IRS1: variants seen among roughly 807,000 people sequenced by gnomAD.
IRS1 encodes insulin receptor substrate 1.
A neutral mutation model predicts 65.6 loss-of-function variants in IRS1; 34 were observed. The observed-to-expected ratio is 0.52, with a 90% CI of 0.39 to 0.69. The LOEUF is 0.69. Among genes scored for constraint, IRS1 ranks in the 30% least tolerant of loss-of-function variants. IRS1 has a pLI of 0.00. For missense variants in IRS1, 1,641 were observed against 1,720.2 expected, an observed-to-expected ratio of 0.95 and a Z score of 0.81; for synonymous variants, 699 against 683.5, an observed-to-expected ratio of 1.02 and a Z score of -0.35.
At chr2:226,784,347 T>C (rs562252129) in intron 1 of IRS1, among the ~76,000 whole-genome samples, 8 of 152,336 alleles carry the variant, frequency 5.3e-5, no homozygotes, top group East Asian at 3.9e-4. Context: ...TATACTCTTA[T>C]TGGTAAGTCA....
chr2:226,734,011 G>A lies in IRS1; in HGVS notation c.*2261C>T, dbSNP rs1245846016. On this transcript the variant is annotated 3_prime_UTR_variant, in exon 2 of 2. Transcript: ENST00000305123. Reference sequence around the variant, plus strand: ...GGTATCTCGGTAACACATATTCAAAGTGTAGGTTCCTTGAGAAATAATAAC... The same window carrying A: ...GGTATCTCGGTAACACATATTCAAAATGTAGGTTCCTTGAGAAATAATAAC... 6.6e-6 allele frequency: 1 copy of A among 152,156 alleles called. No individual in the cohort carries two copies. Among genetic ancestry groups the A allele is most frequent in the Admixed American group, 6.5e-5 (1 of 15,276 alleles). 9.4% of individuals were successfully genotyped at this position (152,156 alleles called of 1,614,324 possible).
chr2:226,745,320 CAA>C (rs1559147483), intron 1 of IRS1, among the ~76,000 whole-genome samples: 1 of 152,146 alleles, frequency 6.6e-6, no homozygotes, highest in African/African-American at 2.4e-5. Context: ...TTCTGAGTGA[CAA>C]GTGAGTAACC....
At chr2:226,788,919 T>G (rs550964593) in intron 1 of IRS1, among the ~76,000 whole-genome samples, 1 of 152,168 alleles carries the variant, frequency 6.6e-6, no homozygotes, top group East Asian at 1.9e-4. Context: ...TACATAATTA[T>G]AAATGTGGTA....
At chr2:226,743,165 A>C (rs1205173932) in intron 1 of IRS1, among the ~76,000 whole-genome samples, 1 of 151,954 alleles carries the variant, frequency 6.6e-6, no homozygotes, top group African/African-American at 2.4e-5. Context: ...CTTAGGAAAA[A>C]AAAACAAAAA....
rs557393837 is a variant in IRS1 at position 226,751,323 on chromosome 2, G to A, written c.*22-15073C>T. ...TTTTGAGACAGAGTCTCGCTTTGTC[G>A]CCCAGGCTGGAGTGCAGTGGCGCAA... On this transcript the variant is annotated intron_variant, in intron 1 of 1. Coordinates refer to ENST00000305123, the MANE Select transcript of IRS1 (RefSeq NM_005544.3). 4.6e-4 allele frequency among the ~76,000 whole-genome samples: 55 copies of A among 119,786 alleles called. No individual in the cohort carries two copies. The East Asian group carries it at 0.012, about 26-fold the overall frequency. The allele number at this position is 119,786 out of a possible 152,430, so 78.6% of individuals were successfully genotyped here. A position where few individuals can be genotyped will look rare whatever the true frequency, so the allele number is the denominator to read the frequency against.
At chr2:226,759,851 T>C (rs1938878981) in intron 1 of IRS1, among the ~76,000 whole-genome samples, 1 of 152,174 alleles carries the variant, frequency 6.6e-6, no homozygotes, top group Non-Finnish European at 1.5e-5. Flanking sequence ...TAGCACTCTG[T>C]TGGAACTTGT....
intron 1 of IRS1, among the ~76,000 whole-genome samples, chr2:226,742,142 G>A (rs1489696433): frequency 6.6e-6 from 1 of 152,178 alleles, no homozygotes; most frequent in Non-Finnish European, 1.5e-5. Context: ...TAAAGTCTGG[G>A]ACATGGGATA....
chr2:226,780,809 T>G (rs1025333), intron 1 of IRS1, among the ~76,000 whole-genome samples: 1 of 152,252 alleles, frequency 6.6e-6, no homozygotes, highest in East Asian at 1.9e-4. Context: ...CTGAATTTTT[T>G]AAATATTGGA....
At chr2:226,766,161 A>T (rs56801387) in intron 1 of IRS1, among the ~76,000 whole-genome samples, 2,244 of 5,382 alleles carry the variant, frequency 0.42, 496 homozygotes, top group Middle Eastern at 0.62. Context: ...ATATATATAT[A>T]TATTTTTTTT....
chr2:226,745,811 A>G (rs1051807026), intron 1 of IRS1, among the ~76,000 whole-genome samples: 1 of 152,244 alleles, frequency 6.6e-6, no homozygotes, highest in Non-Finnish European at 1.5e-5. Context: ...CTAGCAAGCA[A>G]GGATGAATCC....
At chr2:226,741,794 C>T (rs1358838922) in intron 1 of IRS1, among the ~76,000 whole-genome samples, 1 of 142,684 alleles carries the variant, frequency 7.0e-6, no homozygotes, top group Non-Finnish European at 1.5e-5. Context: ...TAAACACACA[C>T]ACACACACAC....
At position 226,795,309 on chromosome 2, in the gene IRS1, C is replaced by T. The variant is rs200821911; in HGVS notation, c.3430G>A (p.Ala1144Thr). Residue 1144 changes from alanine (A) to threonine (T), a missense_variant, in exon 1 of 2, where the codon GCT becomes ACT. Ala to Thr is a moderately conservative substitution (Grantham distance 58). This residue lies in a region of IRS1 where 1,324 missense variants were observed against 1,361.0 expected (regional missense o/e 0.97). Coordinates refer to ENST00000305123, the MANE Select transcript of IRS1 (RefSeq NM_005544.3). The stretch of plus-strand genomic sequence containing the variant: ...CTCAGCCACACATTCTCAAAGGAAG[C>T]AGAGCTGTGGCGTTTCACATCCTCG... ...SSEDVKRHSSASFENVWLRPG... is the reference protein window; with the variant it reads ...SSEDVKRHSSTSFENVWLRPG... 50 of 1,613,846 alleles carry T rather than the reference C, an allele frequency of 3.1e-5. No homozygotes were observed. Among genetic ancestry groups the T allele is most frequent in the Non-Finnish European group, 1.7e-5 (20 of 1,180,028 alleles).
At chr2:226,741,786 A>AACACACAC (rs145806509) in intron 1 of IRS1, among the ~76,000 whole-genome samples, 11,400 of 138,380 alleles carry the variant, frequency 0.082, 525 homozygotes, top group Middle Eastern at 0.14. Flanking sequence ...GAGCCCAGTA[A>AACACACAC]ACACACACAC....
chr2:226,773,217 T>A (rs1362741003), intron 1 of IRS1, among the ~76,000 whole-genome samples: 3 of 152,210 alleles, frequency 2.0e-5, no homozygotes, highest in African/African-American at 7.2e-5. Context: ...AAGGTTTGTT[T>A]CAGGTTAGTT....
chr2:226,770,089 A>T (rs1939135101), intron 1 of IRS1, among the ~76,000 whole-genome samples: 1 of 152,242 alleles, frequency 6.6e-6, no homozygotes, highest in African/African-American at 2.4e-5. Flanking sequence ...TGACTATGTC[A>T]TAGATACAGG....
chr2:226,763,506 C>T (rs1251431492), intron 1 of IRS1, among the ~76,000 whole-genome samples: 2 of 152,138 alleles, frequency 1.3e-5, no homozygotes, highest in Admixed American at 6.5e-5. Context: ...ACGAGCAATC[C>T]AGGGAGCTTG....
chr2:226,756,337 T>G (rs941079770), intron 1 of IRS1, among the ~76,000 whole-genome samples: 5 of 152,160 alleles, frequency 3.3e-5, no homozygotes, highest in African/African-American at 4.8e-5. Context: ...GAAACATCCC[T>G]AGTCAGTGAA....
intron 1 of IRS1, among the ~76,000 whole-genome samples, chr2:226,762,083 G>A (rs1175958520): frequency 6.6e-6 from 1 of 152,134 alleles, no homozygotes; most frequent in Non-Finnish European, 1.5e-5. Flanking sequence ...GCACCCTAAG[G>A]TTCATTTTGT....
Position 226,797,798 on chromosome 2 carries a change from G to A in IRS1, c.941C>T (p.Ala314Val). Reference sequence around the variant, plus strand: ...GCCTGGCTTCCCGCCCACCATGCTGGCCGGGGAGGTGGCGGTGATGCTCTC... The same window carrying A: ...GCCTGGCTTCCCGCCCACCATGCTGACCGGGGAGGTGGCGGTGATGCTCTC... ...RTESITATSP[A>V]SMVGGKPGSF... The change falls in exon 1 of 2, where the codon GCC becomes GTC. Residue 314 changes from alanine (A) to valine (V), a missense_variant. Around this residue, in one of 3 missense-constraint regions of IRS1, gnomAD observed 1,324 missense variants for 1,361.0 expected, o/e 0.97. Transcript: ENST00000305123. The surrounding 1 kb of genome is among the most constrained non-coding windows in gnomAD (Gnocchi z 8.1). 6.3e-7 allele frequency: 1 copy of A among 1,599,220 alleles called. No homozygotes were observed. Among genetic ancestry groups the A allele is most frequent in the Non-Finnish European group, 8.5e-7 (1 of 1,174,516 alleles).
Sources: gnomAD v4.1 joint callset for allele counts (sites outside exome capture counted in the v4.1 genomes callset) on GRCh38, gnomAD v4.1.1 for gene constraint, gnomAD v4.1.1 regional missense constraint, Gnocchi (gnomAD v3.1) non-coding constraint, MANE v1.5 for transcripts, NCBI Gene and HGNC (gene_info 2026-07-23, HGNC 2026-07-21) for gene names.